PSD2: variants seen among roughly 807,000 people sequenced by gnomAD.
PSD2 encodes PH and SEC7 domain-containing protein 2.
In PSD2, 38 loss-of-function variants were observed where a neutral mutation model predicts 69.8. The observed-to-expected ratio is 0.54, with a 90% CI of 0.42 to 0.71. PSD2 has a LOEUF of 0.71. Ranked by LOEUF, PSD2 falls within the 30% of genes least tolerant of loss-of-function variation. PSD2 has a pLI of 0.00. For synonymous variants in PSD2, 412 were observed against 423.0 expected, an observed-to-expected ratio of 0.97 and a Z score of 0.32; for missense variants, 943 against 1,014.5, an observed-to-expected ratio of 0.93 and a Z score of 0.96.
Position 139,814,887 on chromosome 5 carries a change from G to A in PSD2, c.1016+523G>A, listed in dbSNP as rs1760078968. Among the ~76,000 whole-genome samples the A allele has an allele frequency of 6.6e-5, 10 of 152,204 alleles. No individual in the cohort carries two copies. Among genetic ancestry groups the A allele is most frequent in the Admixed American group, 6.5e-4 (10 of 15,286 alleles). ...CTGGCTAGATGAGGGCCCCAAAGGGGACCAGGGGACAGGCGGGATTGCAGG... is the reference window on the plus strand; with the variant it reads ...CTGGCTAGATGAGGGCCCCAAAGGGAACCAGGGGACAGGCGGGATTGCAGG... On this transcript the variant is annotated intron_variant, in intron 4 of 14. Transcript: ENST00000274710. The surrounding 1 kb of genome is among the most constrained non-coding windows in gnomAD (Gnocchi z 4.4).
At chr5:139,783,096 C>T in the PSD2 span, among the ~76,000 whole-genome samples, 1,089 of 152,240 alleles carry the variant, frequency 7.2e-3, 20 homozygotes, top group East Asian at 0.069. Context: ...TGGAATCACA[C>T]AGCATTTGTC....
the PSD2 span, among the ~76,000 whole-genome samples, chr5:139,764,253 G>A: frequency 6.6e-6 from 1 of 152,208 alleles, no homozygotes; most frequent in Non-Finnish European, 1.5e-5. Flanking sequence ...GTGACTTGTC[G>A]CCGCCACAAC....
chr5:139,836,662 C>T, intron 9 of PSD2, 149 bp from the exon 10 acceptor site: 1 of 652,108 alleles, frequency 1.5e-6, no homozygotes, highest in Non-Finnish European at 2.7e-6. Context: ...GATCTGTGGT[C>T]TGGAATTGGA....
the PSD2 span, among the ~76,000 whole-genome samples, chr5:139,789,417 C>T: frequency 6.6e-6 from 1 of 152,182 alleles, no homozygotes; most frequent in African/African-American, 2.4e-5. Context: ...AGTCACACAC[C>T]AGGTTTTGTT....
chr5:139,764,014 G>A, the PSD2 span, among the ~76,000 whole-genome samples: 1 of 152,186 alleles, frequency 6.6e-6, no homozygotes, highest in Admixed American at 6.5e-5. Context: ...ATGGCCTCTG[G>A]TGAATAGATG....
At chr5:139,751,021 G>A in the PSD2 span, among the ~76,000 whole-genome samples, 10 of 152,188 alleles carry the variant, frequency 6.6e-5, no homozygotes, top group African/African-American at 9.7e-5. Flanking sequence ...TCTCCCATGG[G>A]GATCCTTATT....
the PSD2 span, among the ~76,000 whole-genome samples, chr5:139,747,468 G>A: frequency 6.6e-6 from 1 of 152,318 alleles, no homozygotes; most frequent in South Asian, 2.1e-4. This position sits in a 1 kb window ranked among gnomAD's most constrained non-coding sequence, Gnocchi z 6.7. Flanking sequence ...GGGGCTGGGG[G>A]CTGTCCCTCC....
At chr5:139,788,845 G>C in the PSD2 span, among the ~76,000 whole-genome samples, 3 of 152,226 alleles carry the variant, frequency 2.0e-5, no homozygotes, top group Admixed American at 6.5e-5. Flanking sequence ...AGGTCGTAGA[G>C]CTTGGGCAGT....
the PSD2 span, among the ~76,000 whole-genome samples, chr5:139,760,999 A>G: frequency 6.6e-6 from 1 of 152,052 alleles, no homozygotes; most frequent in Admixed American, 6.5e-5. Flanking sequence ...TGGTTAGGAT[A>G]ATAAAAATAA....
chr5:139,790,275 G>A, the PSD2 span, among the ~76,000 whole-genome samples: 3 of 152,156 alleles, frequency 2.0e-5, no homozygotes, highest in South Asian at 6.2e-4. Context: ...GGAGGTCAGT[G>A]TGGGTTGGGT....
intron 7 of PSD2, among the ~76,000 whole-genome samples, chr5:139,831,478 C>G (rs1159123212): frequency 2.0e-5 from 3 of 151,718 alleles, no homozygotes; most frequent in African/African-American, 7.3e-5. Flanking sequence ...TCTTCTTTTG[C>G]CTACTTTTGG....
intron 14 of PSD2, 49 bp from the exon 15 acceptor site, chr5:139,842,221 CT>C: frequency 1.3e-6 from 2 of 1,530,878 alleles, no homozygotes; most frequent in Non-Finnish European, 9.0e-7. Context: ...GGTGCACATA[CT>C]TTTTTCCTAT....
intron 5 of PSD2, among the ~76,000 whole-genome samples, chr5:139,819,183 T>C (rs923965638): frequency 2.6e-5 from 4 of 152,252 alleles, no homozygotes; most frequent in African/African-American, 9.6e-5. Flanking sequence ...GGGTTTACGT[T>C]GTCCTTTGCT....
chr5:139,794,848 C>G (rs1458924372), upstream of PSD2, among the ~76,000 whole-genome samples: 2 of 152,188 alleles, frequency 1.3e-5, no homozygotes, highest in African/African-American at 4.8e-5. Context: ...CGGACTCTTA[C>G]TCTGCAGGTG....
the PSD2 span, among the ~76,000 whole-genome samples, chr5:139,776,261 A>G: frequency 1.1e-4 from 16 of 152,340 alleles, no homozygotes; most frequent in African/African-American, 3.8e-4. Flanking sequence ...CCAAGTCCCA[A>G]GGGCTGTAAG....
Position 139,822,042 on chromosome 5 carries a change from C to T in PSD2, c.1210+37C>T, listed in dbSNP as rs200597220. The T allele has an allele frequency of 8.5e-5, 117 of 1,376,548 alleles. No individual in the cohort carries two copies. The African/African-American group carries it at 1.5e-3, about 18-fold the overall frequency. The allele number at this position is 1,376,548 out of a possible 1,614,324, so 85.3% of individuals were successfully genotyped here. On this transcript the variant is annotated intron_variant, in intron 6 of 14. Coordinates refer to ENST00000274710, the MANE Select transcript of PSD2 (RefSeq NM_032289.4). ...TGCCCACTCTGCCTGACCCTCCCCA[C>T]CCACTCAGCCAGGCCCTGGTCCCCT...
intron 9 of PSD2, among the ~76,000 whole-genome samples, chr5:139,836,315 G>A (rs1268739832): frequency 1.3e-5 from 2 of 152,182 alleles, no homozygotes; most frequent in African/African-American, 2.4e-5. Flanking sequence ...CCATGTAGAG[G>A]CCTCAGGCAG....
chr5:139,792,997 G>A (rs1220444343), upstream of PSD2, among the ~76,000 whole-genome samples: 2 of 151,218 alleles, frequency 1.3e-5, no homozygotes, highest in Non-Finnish European at 2.9e-5. Flanking sequence ...GCCCAGGCTG[G>A]AATGTAGTGG....
At chr5:139,759,723 T>C in the PSD2 span, among the ~76,000 whole-genome samples, 1 of 152,254 alleles carries the variant, frequency 6.6e-6, no homozygotes, top group Admixed American at 6.5e-5. Context: ...TCATCTGCCC[T>C]AATCACTCCA....
Sources: allele counts gnomAD v4.1 joint callset (sites outside exome capture counted in the v4.1 genomes callset), GRCh38; gene constraint gnomAD v4.1.1; non-coding constraint Gnocchi (gnomAD v3.1); transcripts MANE v1.5; gene names NCBI Gene and HGNC (gene_info 2026-07-23, HGNC 2026-07-21).